AIM2: variants seen among roughly 807,000 people sequenced by gnomAD.
The protein encoded by AIM2 is interferon-inducible protein AIM2.
In AIM2, 30 loss-of-function variants were observed where a neutral mutation model predicts 27.7. That is an observed-to-expected ratio of 1.08 (90% CI 0.81 to 1.47). AIM2 has a LOEUF of 1.47. AIM2 is among the 40% of genes most tolerant of loss of function. The pLI is 0.00. For synonymous variants in AIM2, 141 were observed against 145.3 expected, an observed-to-expected ratio of 0.97 and a Z score of 0.21; for missense variants, 358 against 411.3, an observed-to-expected ratio of 0.87 and a Z score of 1.12.
At chr1:159,126,840 A>T (rs1275402999) in intron 1 of AIM2, among the ~76,000 whole-genome samples, 1 of 152,138 alleles carries the variant, frequency 6.6e-6, no homozygotes, top group African/African-American at 2.4e-5. Context: ...CCTGGAAAAA[A>T]ACTGCATGTC....
In AIM2 at chr1:159,062,575, G is replaced by T; in HGVS notation, c.*117C>A. The T allele has an allele frequency of 1.1e-6, 1 of 894,190 alleles. No homozygotes were observed. Among genetic ancestry groups the T allele is most frequent in the South Asian group, 1.5e-5 (1 of 67,000 alleles). The allele number at this position is 894,190 out of a possible 1,614,324, so 55.4% of individuals were successfully genotyped here. A position where few individuals can be genotyped will look rare whatever the true frequency, so the allele number is the denominator to read the frequency against. On this transcript the variant is annotated 3_prime_UTR_variant, in exon 6 of 6. Coordinates refer to ENST00000368130, the MANE Select transcript of AIM2 (RefSeq NM_004833.3). ...TTCTATCCTAATTTGGTGGAGAGAGGAGCCTGTGAACTGCAGCTTTCAGGT... is the reference window on the plus strand; with the variant it reads ...TTCTATCCTAATTTGGTGGAGAGAGTAGCCTGTGAACTGCAGCTTTCAGGT...
upstream of AIM2, among the ~76,000 whole-genome samples, chr1:159,143,177 C>T (rs1648143982): frequency 1.3e-5 from 2 of 152,172 alleles, no homozygotes; most frequent in Non-Finnish European, 2.9e-5. Context: ...CTCCCACTTC[C>T]CTACCCATTC....
upstream of AIM2, among the ~76,000 whole-genome samples, chr1:159,144,316 T>C (rs1648166296): frequency 6.6e-6 from 1 of 152,194 alleles, no homozygotes; most frequent in Admixed American, 6.5e-5. Flanking sequence ...TTATAATGTA[T>C]ATCAACAAAA....
intron 3 of AIM2, among the ~76,000 whole-genome samples, chr1:159,067,000 TA>T (rs952391181): frequency 2.6e-5 from 4 of 152,070 alleles, no homozygotes; most frequent in Non-Finnish European, 4.4e-5. Context: ...TTTGAAATTA[TA>T]AAAAAAGAAA....
chr1:159,136,442 CT>C (rs1648010653), intron 1 of AIM2, among the ~76,000 whole-genome samples: 1 of 152,148 alleles, frequency 6.6e-6, no homozygotes, highest in Admixed American at 6.5e-5. Context: ...TAGTGCATGT[CT>C]ACATTCATAC....
At chr1:159,073,818 C>A (rs1656478651) in intron 1 of AIM2, among the ~76,000 whole-genome samples, 1 of 152,172 alleles carries the variant, frequency 6.6e-6, no homozygotes, top group South Asian at 2.1e-4. Context: ...GTGGGCGGAT[C>A]ACCTGCGGTC....
intron 1 of AIM2, among the ~76,000 whole-genome samples, chr1:159,104,847 G>A (rs975012746): frequency 1.3e-4 from 20 of 152,204 alleles, no homozygotes; most frequent in African/African-American, 4.3e-4. Flanking sequence ...GTGCTCAAAT[G>A]TGTTTTCTGG....
chr1:159,144,897 G>A (rs1648174988), upstream of AIM2, among the ~76,000 whole-genome samples: 1 of 152,062 alleles, frequency 6.6e-6, no homozygotes, highest in Non-Finnish European at 1.5e-5. Flanking sequence ...AAATTCTAAG[G>A]GCTATCGCAT....
Position 159,066,331 on chromosome 1 carries a change from T to C in AIM2, c.397-2A>G. The C allele has an allele frequency of 6.2e-7, 1 of 1,603,538 alleles. No individual in the cohort carries two copies. The highest frequency in any genetic ancestry group is 8.5e-7 in the Non-Finnish European group (1 of 1,175,928). On this transcript the variant is annotated splice_acceptor_variant, in intron 3 of 5. Transcript: ENST00000368130. LOFTEE classifies it high-confidence loss of function. Reference sequence around the variant, plus strand: ...GGCCACCATCTGTTTCTGTTCAGGCTGAAGACAAGAGAAGAAAGATATCAG... The same window carrying C: ...GGCCACCATCTGTTTCTGTTCAGGCCGAAGACAAGAGAAGAAAGATATCAG...
chr1:159,121,083 A>G (rs989894093), intron 1 of AIM2, among the ~76,000 whole-genome samples: 1 of 152,116 alleles, frequency 6.6e-6, no homozygotes, highest in South Asian at 2.1e-4. Flanking sequence ...CAAGATTCAA[A>G]CCCAGAGATT....
Position 159,065,787 on chromosome 1 carries a change from C to T in AIM2, c.816+123G>A, listed in dbSNP as rs531543535. ...ATGTTTACTCTGCAGCTCTTTAGAA[C>T]TTTGTATTTTTTTATTTTGTCTATA... On this transcript the variant is annotated intron_variant, in intron 4 of 5. Coordinates refer to ENST00000368130, the MANE Select transcript of AIM2 (RefSeq NM_004833.3). 10 of 1,101,134 alleles carry T rather than the reference C, an allele frequency of 9.1e-6. No homozygotes were observed. The African/African-American group carries it at 1.3e-4, about 14-fold the overall frequency. The allele number at this position is 1,101,134 out of a possible 1,614,324, so 68.2% of individuals were successfully genotyped here.
Position 159,065,540 on chromosome 1 carries a change from C to T in AIM2, c.816+370G>A, listed in dbSNP as rs557047085. ...ATTAATCTGGTTTATTACTCAACTA[C>T]ACTTACTTTGCATTCACAACAATAG... On this transcript the variant is annotated intron_variant, in intron 4 of 5. Transcript: ENST00000368130. Among the ~76,000 whole-genome samples the T allele has an allele frequency of 1.5e-4, 23 of 152,314 alleles. No homozygotes were observed. In the South Asian group the frequency reaches 4.3e-3, roughly 29 times the overall value.
chr1:159,137,694 C>T (rs1398321160), intron 1 of AIM2, among the ~76,000 whole-genome samples: 1 of 152,154 alleles, frequency 6.6e-6, no homozygotes, highest in Non-Finnish European at 1.5e-5. Flanking sequence ...GTGTTGGTAT[C>T]TGAGCTTAGA....
chr1:159,119,438 T>C (rs1647470571), intron 1 of AIM2, among the ~76,000 whole-genome samples: 1 of 152,300 alleles, frequency 6.6e-6, no homozygotes, highest in Non-Finnish European at 1.5e-5. Context: ...TTTTTGTTAA[T>C]ATGATCAATC....
chr1:159,086,967 AAT>A (rs533806466), intron 1 of AIM2, among the ~76,000 whole-genome samples: 28 of 152,206 alleles, frequency 1.8e-4, no homozygotes, highest in Non-Finnish European at 3.1e-4. Context: ...GCAGAAACTG[AAT>A]CTGTATAAAA....
intron 1 of AIM2, among the ~76,000 whole-genome samples, chr1:159,139,408 G>T (rs980730018): frequency 6.6e-6 from 1 of 152,058 alleles, no homozygotes; most frequent in South Asian, 2.1e-4. Flanking sequence ...TACCCTCCCC[G>T]TATGCTTAGG....
chr1:159,132,562 GAT>G (rs1029096114), intron 1 of AIM2, among the ~76,000 whole-genome samples: 1 of 151,976 alleles, frequency 6.6e-6, no homozygotes, highest in Non-Finnish European at 1.5e-5. Context: ...TCTCTTTTGC[GAT>G]ATATATATTC....
At chr1:159,093,002 G>T (rs993853488) in intron 1 of AIM2, among the ~76,000 whole-genome samples, 3 of 151,052 alleles carry the variant, frequency 2.0e-5, no homozygotes, top group Non-Finnish European at 1.5e-5. Context: ...CTCCAGCCTC[G>T]GTGACAGAGT....
chr1:159,135,644 C>T (rs550275870), intron 1 of AIM2, among the ~76,000 whole-genome samples: 2,950 of 152,214 alleles, frequency 0.019, 103 homozygotes, highest in African/African-American at 0.068. Flanking sequence ...GTTTCATGCT[C>T]CCTCAAAATA....
Sources: allele counts gnomAD v4.1 joint callset (sites outside exome capture counted in the v4.1 genomes callset), GRCh38; gene constraint gnomAD v4.1.1; transcripts MANE v1.5; gene names NCBI Gene and HGNC (gene_info 2026-07-23, HGNC 2026-07-21).